The following TET3 variants were observed in gnomAD, a reference collection of about 807,000 sequenced individuals.
The protein encoded by TET3 is tet methylcytosine dioxygenase 3.
Under a neutral mutation model 141.4 loss-of-function variants are expected in TET3, and 19 were observed. The observed-to-expected ratio is 0.13, with a 90% CI of 0.09 to 0.20. The LOEUF (loss-of-function observed/expected upper bound fraction) is 0.20. TET3 is among the 10% of genes least tolerant of loss of function. The pLI is 1.00. For synonymous variants in TET3, 1,043 were observed against 980.9 expected, an observed-to-expected ratio of 1.06 and a Z score of -1.18; for missense variants, 1,874 against 2,356.9, an observed-to-expected ratio of 0.80 and a Z score of 4.24.
At chr2:73,992,486 G>GT (rs1415787035) in intron 2 of TET3, among the ~76,000 whole-genome samples, 2 of 151,764 alleles carry the variant, frequency 1.3e-5, no homozygotes, top group South Asian at 2.1e-4. Context: ...GCTAATTTTT[G>GT]TTTTTTTAGT....
intron 3 of TET3, among the ~76,000 whole-genome samples, chr2:74,026,494 G>GA (rs1686367701): frequency 6.6e-6 from 1 of 152,158 alleles, no homozygotes; most frequent in Admixed American, 6.5e-5. Flanking sequence ...TCGGACCTAA[G>GA]GAGGTTCCAG....
Position 74,105,065 on chromosome 2 carries a change from TCTTA to T in TET3, c.*2890_*2893del, listed in dbSNP as rs1243114487. The stretch of plus-strand genomic sequence containing the variant: ...TATCCCCCCCTTGCTGCTGAAGCTT[TCTTA>T]AAGAGAAAAATCAAATTTTTATTTT... On this transcript the variant is annotated 3_prime_UTR_variant, in exon 12 of 12. Coordinates refer to ENST00000409262, the MANE Select transcript of TET3 (RefSeq NM_001287491.2). The T allele has an allele frequency of 2.5e-6, 1 of 397,366 alleles. No homozygotes were observed. Among genetic ancestry groups the T allele is most frequent in the Non-Finnish European group, 4.4e-6 (1 of 226,058 alleles). 24.6% of individuals were successfully genotyped at this position (397,366 alleles called of 1,614,324 possible).
At position 74,088,009 on chromosome 2, in the gene TET3, C is replaced by A; in HGVS notation, c.2859C>A (p.Pro953=). 1.3e-6 allele frequency: 2 copies of A among 1,563,004 alleles called. No homozygotes were observed. Among genetic ancestry groups the A allele is most frequent in the Non-Finnish European group, 1.7e-6 (2 of 1,153,818 alleles). ...LTDTLRKYGN[P]TSRRCGLNDD... is the part of the protein sequence containing the mutation. The stretch of plus-strand genomic sequence containing the variant: ...ACACCCTCCGGAAGTATGGGAACCC[C>A]ACCAGCCGGAGATGCGGCCTCAACG... Residue 953 remains proline, a synonymous_variant, in exon 7 of 12, where the codon CCC becomes CCA. Coordinates refer to ENST00000409262, the MANE Select transcript of TET3 (RefSeq NM_001287491.2).
chr2:74,056,619 G>T (rs1403890144), intron 4 of TET3, among the ~76,000 whole-genome samples: 2 of 152,082 alleles, frequency 1.3e-5, no homozygotes, highest in Non-Finnish European at 2.9e-5. Flanking sequence ...AAGAAGAGTT[G>T]AGCCATTTCC....
chr2:74,091,092 C>A (rs1213261714), intron 8 of TET3, among the ~76,000 whole-genome samples: 1 of 152,160 alleles, frequency 6.6e-6, no homozygotes, highest in Admixed American at 6.5e-5. Flanking sequence ...AAATTCAGAA[C>A]TCTTTGTTTA....
chr2:74,005,364 T>C (rs752701187), intron 3 of TET3, among the ~76,000 whole-genome samples: 1 of 152,194 alleles, frequency 6.6e-6, no homozygotes, highest in Non-Finnish European at 1.5e-5. Flanking sequence ...TATGCTTGTT[T>C]TTATTGTTCA....
intron 6 of TET3, among the ~76,000 whole-genome samples, chr2:74,085,704 T>C (rs1404345410): frequency 5.3e-5 from 8 of 152,220 alleles, no homozygotes; most frequent in African/African-American, 1.9e-4. Context: ...TAACGCCCGC[T>C]CGCCTGCTGC....
chr2:73,984,473 T>G (rs1191126443), upstream of TET3, among the ~76,000 whole-genome samples: 2 of 152,060 alleles, frequency 1.3e-5, no homozygotes, highest in East Asian at 3.9e-4. The surrounding 1 kb of genome is among the most constrained non-coding windows in gnomAD (Gnocchi z 5.6). Context: ...GGCCCGGCGC[T>G]CAGGCCTCCC....
Position 74,003,116 on chromosome 2 carries a change from A to G in TET3, c.310A>G (p.Ile104Val). The change falls in exon 3 of 12, where the codon ATA becomes GTA. Residue 104 changes from isoleucine (I) to valine (V), a missense_variant. Around this residue, in one of 10 missense-constraint regions of TET3, gnomAD observed 366 missense variants for 487.0 expected, o/e 0.75. Coordinates refer to ENST00000409262, the MANE Select transcript of TET3 (RefSeq NM_001287491.2). Reference protein sequence around the residue: ...KKVGLLKEVEIKAGEGAGPWG... With the variant: ...KKVGLLKEVEVKAGEGAGPWG... Reference sequence around the variant, plus strand: ...CCTCTGGCTTCTTTTGCAGGTGGAAATAAAGGCTGGTGAAGGAGCCGGGCC... The same window carrying G: ...CCTCTGGCTTCTTTTGCAGGTGGAAGTAAAGGCTGGTGAAGGAGCCGGGCC... The G allele has an allele frequency of 1.9e-6, 3 of 1,550,494 alleles. No homozygotes were observed. The highest frequency in any genetic ancestry group is 2.6e-6 in the Non-Finnish European group (3 of 1,146,946).
chr2:74,048,419 C>T lies in TET3; in HGVS notation c.2494+8C>T, dbSNP rs201530956. ...CCACCTGCGATTGCGTCGGTAAGTCCGCCTGGGTATCAGGGAAGGGCAGAG... is the reference window on the plus strand; with the variant it reads ...CCACCTGCGATTGCGTCGGTAAGTCTGCCTGGGTATCAGGGAAGGGCAGAG... On this transcript the variant is annotated splice_region_variant and intron_variant, in intron 4 of 11. Transcript: ENST00000409262. The T allele has an allele frequency of 5.1e-5, 81 of 1,598,214 alleles. No homozygotes were observed. Among genetic ancestry groups the T allele is most frequent in the Middle Eastern group, 1.7e-4 (1 of 5,974 alleles).
At chr2:74,017,753 C>G (rs1685809482) in intron 3 of TET3, among the ~76,000 whole-genome samples, 1 of 152,104 alleles carries the variant, frequency 6.6e-6, no homozygotes, top group Admixed American at 6.6e-5. Flanking sequence ...GACGTATATC[C>G]AGAAGTGAGA....
chr2:74,018,343 G>A (rs953163590), intron 3 of TET3, among the ~76,000 whole-genome samples: 13 of 152,012 alleles, frequency 8.6e-5, no homozygotes, highest in Admixed American at 1.3e-4. Context: ...CTTCTGTTAC[G>A]TTTTGAAAAA....
Position 74,108,135 on chromosome 2 carries a change from T to C in TET3, c.*5959T>C, listed in dbSNP as rs1691608409. 6.5e-6 allele frequency: 1 copy of C among 153,800 alleles called. No homozygotes were observed. The highest frequency in any genetic ancestry group is 1.5e-5 in the Non-Finnish European group (1 of 68,050). The allele number at this position is 153,800 out of a possible 1,614,324, so 9.5% of individuals were successfully genotyped here. On this transcript the variant is annotated 3_prime_UTR_variant, in exon 12 of 12. Coordinates refer to ENST00000409262, the MANE Select transcript of TET3 (RefSeq NM_001287491.2). ...TACTCCTGGTATCTTTAAAATATTG[T>C]GGGTGTTTTAATAAATTTTATATTT...
intron 6 of TET3, among the ~76,000 whole-genome samples, chr2:74,086,100 G>A (rs948659990): frequency 1.3e-5 from 2 of 152,126 alleles, no homozygotes; most frequent in Non-Finnish European, 2.9e-5. Flanking sequence ...ACCATCCTGC[G>A]TGGAGTTCCC....
At chr2:73,995,791 A>T (rs1185089692) in intron 2 of TET3, among the ~76,000 whole-genome samples, 1 of 152,120 alleles carries the variant, frequency 6.6e-6, no homozygotes, top group Non-Finnish European at 1.5e-5. Context: ...TAGGTTGGGG[A>T]AATAGCTGTC....
rs183158135 is a variant in TET3 at position 73,997,372 on chromosome 2, G to A, written c.304-5738G>A. Among the ~76,000 whole-genome samples, 439 of 152,286 alleles carry A rather than the reference G, an allele frequency of 2.9e-3. 2 individuals are homozygous for A. The highest frequency in any genetic ancestry group is 0.01 in the African/African-American group (425 of 41,534). Reference sequence around the variant, plus strand: ...CTGCCGTTTAAGGTAAGCTCTGTGTGCCCCAGTTCCCTTAATGATGCTGGG... The same window carrying A: ...CTGCCGTTTAAGGTAAGCTCTGTGTACCCCAGTTCCCTTAATGATGCTGGG... On this transcript the variant is annotated intron_variant, in intron 2 of 11. Coordinates refer to ENST00000409262, the MANE Select transcript of TET3 (RefSeq NM_001287491.2).
chr2:74,038,600 A>G (rs925493977), intron 3 of TET3, among the ~76,000 whole-genome samples: 4 of 152,178 alleles, frequency 2.6e-5, no homozygotes, highest in African/African-American at 9.6e-5. Context: ...GGGTGCCATA[A>G]TAGCAGAGAG....
chr2:74,058,974 G>T (rs1453612335), intron 4 of TET3, among the ~76,000 whole-genome samples: 3 of 152,274 alleles, frequency 2.0e-5, no homozygotes, highest in South Asian at 2.1e-4. Context: ...GTTGTCTATA[G>T]CCACTTTTGC....
chr2:74,015,463 ACTGC>A (rs1685680340), intron 3 of TET3, among the ~76,000 whole-genome samples: 2 of 152,216 alleles, frequency 1.3e-5, no homozygotes, highest in African/African-American at 4.8e-5. Context: ...ACATGAACTT[ACTGC>A]CTTCCTGCAG....
Sources: gnomAD v4.1 joint callset for allele counts (sites outside exome capture counted in the v4.1 genomes callset) on GRCh38, gnomAD v4.1.1 for gene constraint, gnomAD v4.1.1 regional missense constraint, Gnocchi (gnomAD v3.1) non-coding constraint, MANE v1.5 for transcripts, NCBI Gene and HGNC (gene_info 2026-07-23, HGNC 2026-07-21) for gene names.